GRID1: variants seen among roughly 807,000 people sequenced by gnomAD.
The protein encoded by GRID1 is glutamate receptor ionotropic, delta-1.
In GRID1, 28 loss-of-function variants were observed where a neutral mutation model predicts 98.0. The observed-to-expected ratio is 0.29, with a 90% CI of 0.21 to 0.39. The LOEUF is 0.39. Among genes scored for constraint, GRID1 ranks in the 10% least tolerant of loss-of-function variants. GRID1 has a pLI of 1.00. For synonymous variants in GRID1, 553 were observed against 538.5 expected (o/e 1.03, Z -0.37); for missense variants, 1,111 against 1,340.5 (o/e 0.83, Z 2.67).
intron 3 of GRID1, among the ~76,000 whole-genome samples, chr10:86,174,043 G>T (rs574975404): frequency 6.6e-6 from 1 of 152,120 alleles, no homozygotes; most frequent in Non-Finnish European, 1.5e-5. Context: ...ACATACGTGT[G>T]CATGTGTCTT....
chr10:85,617,063 G>A (rs1272785802), intron 14 of GRID1, among the ~76,000 whole-genome samples: 2 of 152,182 alleles, frequency 1.3e-5, no homozygotes, highest in Non-Finnish European at 2.9e-5. Context: ...TTCCCAGGAT[G>A]AAGGGGAAGA....
At chr10:85,911,942 C>T (rs1235465053) in intron 5 of GRID1, among the ~76,000 whole-genome samples, 1 of 152,218 alleles carries the variant, frequency 6.6e-6, no homozygotes, top group Admixed American at 6.5e-5. Flanking sequence ...TTGGCAACAT[C>T]TAATGAATGA....
intron 12 of GRID1, among the ~76,000 whole-genome samples, chr10:85,705,724 C>G (rs1378158944): frequency 1.3e-5 from 2 of 152,148 alleles, no homozygotes; most frequent in Non-Finnish European, 2.9e-5. Flanking sequence ...TATTGGCAAA[C>G]CGAATCCAGC....
intron 8 of GRID1, among the ~76,000 whole-genome samples, chr10:85,731,160 T>G (rs1177967821): frequency 6.6e-6 from 1 of 152,056 alleles, no homozygotes; most frequent in Non-Finnish European, 1.5e-5. Flanking sequence ...AACTCTGAGA[T>G]GTAAAACCAT....
chr10:85,742,982 C>A (rs1841958968), intron 8 of GRID1, among the ~76,000 whole-genome samples: 2 of 152,000 alleles, frequency 1.3e-5, no homozygotes. Flanking sequence ...TTAGTGGCAT[C>A]CTTGACCTCT....
intron 3 of GRID1, among the ~76,000 whole-genome samples, chr10:86,201,701 A>C (rs564068636): frequency 6.6e-6 from 1 of 152,244 alleles, no homozygotes; most frequent in African/African-American, 2.4e-5. Context: ...AAGTTAAAAA[A>C]AAAAAAAAGA....
intron 2 of GRID1, among the ~76,000 whole-genome samples, chr10:86,264,272 C>T (rs1392854892): frequency 2.0e-5 from 3 of 152,132 alleles, no homozygotes; most frequent in Non-Finnish European, 4.4e-5. Flanking sequence ...TTCATTTGTC[C>T]TTCATTTGTT....
intron 12 of GRID1, among the ~76,000 whole-genome samples, chr10:85,709,318 A>C (rs1325700174): frequency 6.6e-6 from 1 of 152,224 alleles, no homozygotes; most frequent in African/African-American, 2.4e-5. Context: ...CTTATCTTAA[A>C]AAATAATTGT....
chr10:85,916,090 CT>C lies in GRID1; in HGVS notation c.780+95del. On this transcript the variant is annotated intron_variant, in intron 5 of 15. Coordinates refer to ENST00000327946, the MANE Select transcript of GRID1 (RefSeq NM_017551.3). The surrounding 1 kb of genome is among the most constrained non-coding windows in gnomAD (Gnocchi z 4.0). The stretch of plus-strand genomic sequence containing the variant: ...GAGCCCCAGGATTCACAACAGCCCC[CT>C]AAGTCAGAATTGAACTGAAAAGAAT... 1.0e-6 allele frequency: 1 copy of C among 972,908 alleles called. No homozygotes were observed. The highest frequency in any genetic ancestry group is 1.6e-6 in the Non-Finnish European group (1 of 617,658). 60.3% of individuals were successfully genotyped at this position (972,908 alleles called of 1,614,324 possible). A position where few individuals can be genotyped will look rare whatever the true frequency, so the allele number is the denominator to read the frequency against.
chr10:85,708,056 G>GTA (rs1357337252), intron 12 of GRID1, among the ~76,000 whole-genome samples: 5 of 149,248 alleles, frequency 3.4e-5, no homozygotes, highest in East Asian at 2.0e-4. Flanking sequence ...TGGCACATGT[G>GTA]TATATATATA....
chr10:86,035,576 G>A (rs1161362469), intron 4 of GRID1, among the ~76,000 whole-genome samples: 1 of 152,108 alleles, frequency 6.6e-6, no homozygotes, highest in African/African-American at 2.4e-5. Context: ...GCAGCACAGA[G>A]CAGGTCTATG....
intron 2 of GRID1, among the ~76,000 whole-genome samples, chr10:86,226,764 G>T (rs1846357347): frequency 6.6e-6 from 1 of 150,488 alleles, no homozygotes; most frequent in African/African-American, 2.5e-5. Flanking sequence ...AGAAGCAGCA[G>T]TCCCAGCAGA....
intron 5 of GRID1, among the ~76,000 whole-genome samples, chr10:85,886,289 G>C (rs547961348): frequency 6.6e-6 from 1 of 152,216 alleles, no homozygotes; most frequent in African/African-American, 2.4e-5. Flanking sequence ...ACACTGCAAA[G>C]ATCAGGGAAC....
chr10:86,053,065 A>G (rs903072776), intron 4 of GRID1, among the ~76,000 whole-genome samples: 29 of 152,152 alleles, frequency 1.9e-4, no homozygotes, highest in African/African-American at 7.0e-4. Context: ...AAGGCACCAA[A>G]TTTATGCTGC....
intron 8 of GRID1, among the ~76,000 whole-genome samples, chr10:85,738,096 G>A (rs1002998918): frequency 3.3e-5 from 5 of 151,818 alleles, no homozygotes; most frequent in African/African-American, 1.2e-4. Context: ...GATGGAGCAG[G>A]AAAAAGAAAA....
intron 12 of GRID1, among the ~76,000 whole-genome samples, chr10:85,677,793 C>T (rs1257625449): frequency 1.3e-5 from 2 of 152,088 alleles, no homozygotes; most frequent in Non-Finnish European, 2.9e-5. Flanking sequence ...GGAAAATAAC[C>T]TCTAAGAATA....
intron 4 of GRID1, among the ~76,000 whole-genome samples, chr10:86,040,512 A>C (rs2131898631): frequency 6.8e-6 from 1 of 146,746 alleles, no homozygotes; most frequent in South Asian, 2.2e-4. Context: ...TCATATCTTA[A>C]AAAAAAAAAA....
chr10:86,293,755 GCATT>G (rs144132084), intron 2 of GRID1, among the ~76,000 whole-genome samples: 3,808 of 151,890 alleles, frequency 0.025, 53 homozygotes, highest in Middle Eastern at 0.051. Flanking sequence ...GGGGTGGAAT[GCATT>G]CATTCATTCA....
chr10:85,726,890 C>G (rs1427374883), intron 10 of GRID1, among the ~76,000 whole-genome samples: 3 of 152,152 alleles, frequency 2.0e-5, no homozygotes, highest in Non-Finnish European at 4.4e-5. Flanking sequence ...AATTGTATAT[C>G]TAAAATGGAT....
Sources: gnomAD v4.1 joint callset for allele counts (sites outside exome capture counted in the v4.1 genomes callset) on GRCh38, gnomAD v4.1.1 for gene constraint, Gnocchi (gnomAD v3.1) non-coding constraint, MANE v1.5 for transcripts, NCBI Gene and HGNC (gene_info 2026-07-23, HGNC 2026-07-21) for gene names.